The following ENKUR variants were observed in gnomAD, a reference collection of about 807,000 sequenced individuals.
ENKUR encodes enkurin, TRPC channel interacting protein.
Under a neutral mutation model 27.6 loss-of-function variants are expected in ENKUR, and 19 were observed. The ratio of observed to expected loss-of-function variants is 0.69; its 90% CI spans 0.48 to 1.01. The LOEUF is 1.01. Among genes scored for constraint, ENKUR ranks in the 50% least tolerant of loss-of-function variants. The pLI is 0.00. For missense variants in ENKUR, 312 were observed against 310.5 expected, an observed-to-expected ratio of 1.00 and a Z score of -0.04; for synonymous variants, 117 against 96.9, an observed-to-expected ratio of 1.21 and a Z score of -1.22.
chr10:25,023,958 G>A (rs1027173876), intron 2 of ENKUR: 1 of 1,614,052 alleles, frequency 6.2e-7, no homozygotes, highest in African/African-American at 1.3e-5. Flanking sequence ...GTGAACAGAA[G>A]GTTTCAGCAA....
intron 2 of ENKUR, chr10:25,025,603 A>G (rs1850834620): frequency 1.3e-6 from 1 of 751,000 alleles, no homozygotes; most frequent in Non-Finnish European, 2.1e-6. Context: ...TAGGGCTGAC[A>G]TGAGAACTCC....
chr10:25,033,796 A>AGTAT (rs1175109602), intron 2 of ENKUR, among the ~76,000 whole-genome samples: 5 of 151,288 alleles, frequency 3.3e-5, no homozygotes, highest in East Asian at 1.9e-4. Context: ...AACTGTGTTT[A>AGTAT]GTATGTATGT....
chr10:25,049,007 G>A (rs190430569), intron 2 of ENKUR, among the ~76,000 whole-genome samples: 135 of 152,186 alleles, frequency 8.9e-4, no homozygotes, highest in African/African-American at 2.7e-3. Flanking sequence ...AAAGAATAGC[G>A]ATTAAGAAGG....
chr10:24,988,664 G>GTA (rs66687937), intron 4 of ENKUR, among the ~76,000 whole-genome samples: 2 of 98,836 alleles, frequency 2.0e-5, no homozygotes, highest in Non-Finnish European at 4.3e-5. Flanking sequence ...CACAGCATAT[G>GTA]TATATATATA....
chr10:24,984,583 A>C (rs1849739401), intron 5 of ENKUR, 153 bp downstream of exon 5: 1 of 1,023,680 alleles, frequency 9.8e-7, no homozygotes, highest in African/African-American at 1.6e-5. Context: ...TGAATAACTC[A>C]ATTATTCTTT....
chr10:25,060,543 C>A (rs535265429), intron 2 of ENKUR, among the ~76,000 whole-genome samples: 2 of 152,098 alleles, frequency 1.3e-5, no homozygotes, highest in African/African-American at 4.8e-5. Flanking sequence ...ATAAATACAC[C>A]GAAAATACGA....
At chr10:25,047,887 T>C (rs1588684300) in intron 2 of ENKUR, among the ~76,000 whole-genome samples, 2 of 152,238 alleles carry the variant, frequency 1.3e-5, no homozygotes, top group South Asian at 2.1e-4. Context: ...TGGTTAGATC[T>C]ATTTTAATTT....
At chr10:25,052,559 C>T (rs1422657805) in intron 2 of ENKUR, among the ~76,000 whole-genome samples, 1 of 152,076 alleles carries the variant, frequency 6.6e-6, no homozygotes. Context: ...TTGAAGCCAG[C>T]AGTTTGAGAC....
At chr10:25,058,930 T>TAAAAAAAAAAAAA (rs67424973) in intron 2 of ENKUR, among the ~76,000 whole-genome samples, 1 of 137,586 alleles carries the variant, frequency 7.3e-6, no homozygotes, top group African/African-American at 2.7e-5. Flanking sequence ...GACTCCATCT[T>TAAAAAAAAAAAAA]AAAAAAAAAA....
chr10:25,030,121 A>C (rs1262164419), intron 2 of ENKUR, among the ~76,000 whole-genome samples: 2 of 152,106 alleles, frequency 1.3e-5, no homozygotes, highest in African/African-American at 4.8e-5. Flanking sequence ...ATTTATAGGG[A>C]GACTACCCTA....
chr10:25,031,332 A>G (rs539840265), intron 2 of ENKUR, among the ~76,000 whole-genome samples: 2 of 151,754 alleles, frequency 1.3e-5, no homozygotes, highest in African/African-American at 4.8e-5. Context: ...TACTTCCTAC[A>G]TTTTTTTTAT....
Position 25,016,098 on chromosome 10 carries a change from A to C in ENKUR, c.-162T>G, listed in dbSNP as rs1361129359. On this transcript the variant is annotated 5_prime_UTR_variant, in exon 1 of 6. Transcript: ENST00000331161. ...CGTCCCCCTTTAACCCCCTCTTAGC[A>C]GTCCTCTCTCGGGAAGAAAACACCC... is the stretch of plus-strand genomic sequence containing the variant. The C allele has an allele frequency of 7.6e-7, 1 of 1,307,532 alleles. No individual in the cohort carries two copies. Among genetic ancestry groups the C allele is most frequent in the Non-Finnish European group, 9.8e-7 (1 of 1,025,070 alleles). 81.0% of individuals were successfully genotyped at this position (1,307,532 alleles called of 1,614,324 possible). A position where few individuals can be genotyped will look rare whatever the true frequency, so the allele number is the denominator to read the frequency against.
At chr10:25,058,302 G>A (rs938453795) in intron 2 of ENKUR, among the ~76,000 whole-genome samples, 5 of 151,988 alleles carry the variant, frequency 3.3e-5, no homozygotes, top group African/African-American at 4.8e-5. Flanking sequence ...TGAACTCCTG[G>A]GTTCAAGTGA....
intron 2 of ENKUR, among the ~76,000 whole-genome samples, chr10:25,046,554 C>T (rs1313508399): frequency 6.6e-6 from 1 of 152,184 alleles, no homozygotes; most frequent in Non-Finnish European, 1.5e-5. Context: ...GCGTCAAGAC[C>T]ATGGGCAAGT....
chr10:25,017,089 C>T (rs1042863151), upstream of ENKUR, among the ~76,000 whole-genome samples: 1 of 152,212 alleles, frequency 6.6e-6, no homozygotes, highest in African/African-American at 2.4e-5. Context: ...TGCTCTTCCC[C>T]GGGTCGGGAC....
chr10:25,053,660 G>A (rs891346782), intron 2 of ENKUR, among the ~76,000 whole-genome samples: 1 of 152,040 alleles, frequency 6.6e-6, no homozygotes, highest in African/African-American at 2.4e-5. Context: ...TTACCTTCGG[G>A]TTTTTTACTG....
chr10:25,016,095 A>G lies in ENKUR; in HGVS notation c.-159T>C. ...CATCGTCCCCCTTTAACCCCCTCTTAGCAGTCCTCTCTCGGGAAGAAAACA... is the reference window on the plus strand; with the variant it reads ...CATCGTCCCCCTTTAACCCCCTCTTGGCAGTCCTCTCTCGGGAAGAAAACA... On this transcript the variant is annotated 5_prime_UTR_variant, in exon 1 of 6. Transcript: ENST00000331161. 1 of 1,324,160 alleles carries G rather than the reference A, an allele frequency of 7.6e-7. No homozygotes were observed. Among genetic ancestry groups the G allele is most frequent in the Non-Finnish European group, 9.7e-7 (1 of 1,034,006 alleles). 82.0% of individuals were successfully genotyped at this position (1,324,160 alleles called of 1,614,324 possible). A position where few individuals can be genotyped will look rare whatever the true frequency, so the allele number is the denominator to read the frequency against.
intron 2 of ENKUR, among the ~76,000 whole-genome samples, chr10:25,060,246 G>C (rs1851311564): frequency 6.6e-6 from 1 of 152,154 alleles, no homozygotes; most frequent in African/African-American, 2.4e-5. Flanking sequence ...TGTGCAAGCA[G>C]ACCGGGCGCC....
intron 2 of ENKUR, among the ~76,000 whole-genome samples, chr10:25,029,021 T>C (rs1483480694): frequency 6.6e-6 from 1 of 152,234 alleles, no homozygotes; most frequent in African/African-American, 2.4e-5. Context: ...ATTCATTGAA[T>C]TGTATTACTA....
Sources: allele counts gnomAD v4.1 joint callset (sites outside exome capture counted in the v4.1 genomes callset), GRCh38; gene constraint gnomAD v4.1.1; transcripts MANE v1.5; gene names NCBI Gene and HGNC (gene_info 2026-07-23, HGNC 2026-07-21).